The following PDE4B variants were observed in gnomAD, a reference collection of about 807,000 sequenced individuals.
PDE4B encodes 3',5'-cyclic-AMP phosphodiesterase 4B.
Under a neutral mutation model 82.2 loss-of-function variants are expected in PDE4B, and 20 were observed. The ratio of observed to expected loss-of-function variants is 0.24; its 90% CI spans 0.17 to 0.35. The LOEUF is 0.35. Among genes scored for constraint, PDE4B ranks in the 10% least tolerant of loss-of-function variants. The probability of loss-of-function intolerance (pLI) is 1.00; values close to 1 mark genes in which losing one functional copy is unlikely to be tolerated. For missense variants in PDE4B, 655 were observed against 907.2 expected (o/e 0.72, Z 3.57); for synonymous variants, 320 against 318.9 (o/e 1.00, Z -0.04).
intron 3 of PDE4B, among the ~76,000 whole-genome samples, chr1:66,092,818 C>A (rs1378109113): frequency 6.6e-6 from 1 of 151,858 alleles, no homozygotes; most frequent in Non-Finnish European, 1.5e-5. Flanking sequence ...TGTGCAAAGA[C>A]TTTAGAGGAG....
intron 1 of PDE4B, among the ~76,000 whole-genome samples, chr1:65,884,863 A>ACAAAAGG (rs1646753647): frequency 6.6e-6 from 1 of 152,232 alleles, no homozygotes; most frequent in African/African-American, 2.4e-5. Flanking sequence ...GACAAATGGG[A>ACAAAAGG]TCTAATTAAA....
intron 3 of PDE4B, among the ~76,000 whole-genome samples, chr1:65,955,549 G>A (rs1569808304): frequency 3.3e-5 from 5 of 152,248 alleles, no homozygotes; most frequent in Middle Eastern, 3.4e-3. Flanking sequence ...GAAGCAAGTC[G>A]CCCAAATTTG....
At chr1:66,290,478 G>A (rs545893667) in intron 7 of PDE4B, among the ~76,000 whole-genome samples, 1 of 152,298 alleles carries the variant, frequency 6.6e-6, no homozygotes, top group African/African-American at 2.4e-5. Flanking sequence ...GGGGAGTCAA[G>A]AGGGACATTT....
chr1:66,136,117 A>G (rs1477742091), intron 3 of PDE4B, among the ~76,000 whole-genome samples: 1 of 152,102 alleles, frequency 6.6e-6, no homozygotes, highest in East Asian at 1.9e-4. Context: ...CTGGCTACTT[A>G]CAGCCCCTTC....
intron 3 of PDE4B, among the ~76,000 whole-genome samples, chr1:66,117,842 A>G (rs1645627584): frequency 6.6e-6 from 1 of 152,198 alleles, no homozygotes; most frequent in South Asian, 2.1e-4. Flanking sequence ...ATAAGATGTG[A>G]TTGCTTCTTT....
intron 3 of PDE4B, among the ~76,000 whole-genome samples, chr1:66,016,176 G>A (rs1235690985): frequency 6.6e-6 from 1 of 152,306 alleles, no homozygotes; most frequent in East Asian, 1.9e-4. Context: ...AGGATTAAGT[G>A]AGTTAATACC....
chr1:66,122,709 T>C (rs1183142901), intron 3 of PDE4B, among the ~76,000 whole-genome samples: 10 of 146,918 alleles, frequency 6.8e-5, no homozygotes, highest in Non-Finnish European at 1.2e-4. Context: ...TTTTCTTTTT[T>C]TTTTTTTTTT....
intron 1 of PDE4B, among the ~76,000 whole-genome samples, chr1:65,896,610 A>G (rs1646913260): frequency 1.3e-5 from 2 of 152,282 alleles, no homozygotes; most frequent in South Asian, 2.1e-4. Flanking sequence ...GTTCCTATTC[A>G]CCAACACTGA....
intron 3 of PDE4B, among the ~76,000 whole-genome samples, chr1:65,945,050 A>G (rs2100555823): frequency 6.6e-6 from 1 of 152,136 alleles, no homozygotes; most frequent in East Asian, 1.9e-4. Context: ...CAAGGAGAGT[A>G]AAGTTGAGCA....
chr1:66,281,407 C>T (rs552810022), intron 7 of PDE4B, among the ~76,000 whole-genome samples: 16 of 152,270 alleles, frequency 1.1e-4, no homozygotes, highest in South Asian at 2.1e-4. Context: ...CCTCAGTGAG[C>T]CTTTTAACCC....
chr1:65,888,539 A>T (rs984038694), intron 1 of PDE4B, among the ~76,000 whole-genome samples: 9 of 152,118 alleles, frequency 5.9e-5, no homozygotes. Flanking sequence ...TGCTTTGGAC[A>T]GTATGGTTAT....
At chr1:66,106,927 T>C (rs1046676844) in intron 3 of PDE4B, among the ~76,000 whole-genome samples, 1 of 142,156 alleles carries the variant, frequency 7.0e-6, no homozygotes, top group African/African-American at 2.5e-5. Flanking sequence ...GTTTTTTGTG[T>C]CTCTATTTCC....
At chr1:65,808,282 C>G in intron 1 of PDE4B, among the ~76,000 whole-genome samples, 1 of 151,808 alleles carries the variant, frequency 6.6e-6, no homozygotes, top group Middle Eastern at 3.2e-3. Context: ...AGTGACCCTC[C>G]TGCCTCAACC....
At chr1:65,800,753 A>G (rs972287371) in intron 1 of PDE4B, among the ~76,000 whole-genome samples, 2 of 152,228 alleles carry the variant, frequency 1.3e-5, no homozygotes, top group Non-Finnish European at 2.9e-5. Context: ...ATATCTTGAT[A>G]TGGTCAGAAT....
At chr1:66,349,941 A>G (rs1055555732) in intron 8 of PDE4B, among the ~76,000 whole-genome samples, 1 of 152,112 alleles carries the variant, frequency 6.6e-6, no homozygotes, top group Non-Finnish European at 1.5e-5. Flanking sequence ...TTTTACCACT[A>G]AAGAAACTGA....
At chr1:66,095,887 T>C (rs1362364796) in intron 3 of PDE4B, among the ~76,000 whole-genome samples, 2 of 151,956 alleles carry the variant, frequency 1.3e-5, no homozygotes, top group Non-Finnish European at 2.9e-5. Flanking sequence ...TATTTTATTT[T>C]ATACTTTTAA....
intron 3 of PDE4B, among the ~76,000 whole-genome samples, chr1:66,156,480 C>T (rs894989444): frequency 6.6e-6 from 1 of 152,062 alleles, no homozygotes; most frequent in African/African-American, 2.4e-5. Context: ...ACAAAGTATA[C>T]TCACATTTAT....
At chr1:65,823,395 C>CT (rs1333636249) in intron 1 of PDE4B, among the ~76,000 whole-genome samples, 11 of 100,244 alleles carry the variant, frequency 1.1e-4, no homozygotes, top group Admixed American at 4.9e-4. Flanking sequence ...GACTCCATCT[C>CT]TAAAAAAAAA....
At chr1:65,937,408 C>A (rs554205832) in intron 3 of PDE4B, among the ~76,000 whole-genome samples, 1 of 152,286 alleles carries the variant, frequency 6.6e-6, no homozygotes, top group Non-Finnish European at 1.5e-5. Flanking sequence ...AGTTGACAGT[C>A]GCATGAGGCT....
Sources: gnomAD v4.1 joint callset for allele counts (sites outside exome capture counted in the v4.1 genomes callset) on GRCh38, gnomAD v4.1.1 for gene constraint, MANE v1.5 for transcripts, NCBI Gene and HGNC (gene_info 2026-07-23, HGNC 2026-07-21) for gene names.